The following ATAD2B variants were observed in gnomAD, a reference collection of about 807,000 sequenced individuals.
ATAD2B encodes ATPase family AAA domain containing 2B, also known as ATPase family AAA domain-containing protein 2B.
Under a neutral mutation model 167.6 loss-of-function variants are expected in ATAD2B, and 40 were observed. The observed-to-expected ratio is 0.24, with a 90% CI of 0.19 to 0.31. The LOEUF is 0.31. ATAD2B is among the 10% of genes least tolerant of loss of function. The pLI is 1.00. For synonymous variants in ATAD2B, 579 were observed against 596.5 expected, an observed-to-expected ratio of 0.97 and a Z score of 0.43; for missense variants, 1,242 against 1,757.2, an observed-to-expected ratio of 0.71 and a Z score of 5.24.
rs1229942235 is a variant in ATAD2B at position 23,884,754 on chromosome 2, G to A, written c.784+11C>T. On this transcript the variant is annotated intron_variant, in intron 6 of 27. Transcript: ENST00000238789. ...TGAACTTTCTAGAATTCCAAAAAGT[G>A]CTTTACAAACCTTCTTCTTCACCCT... 1 of 1,507,102 alleles carries A rather than the reference G, an allele frequency of 6.6e-7. No individual in the cohort carries two copies. The highest frequency in any genetic ancestry group is 9.0e-7 in the Non-Finnish European group (1 of 1,110,674). The allele number at this position is 1,507,102 out of a possible 1,614,324, so 93.4% of individuals were successfully genotyped here.
At chr2:23,819,983 T>C (rs1687206773) in intron 16 of ATAD2B, 101 bp from the exon 17 acceptor site, 1 of 757,946 alleles carries the variant, frequency 1.3e-6, no homozygotes. Flanking sequence ...CAAATGACAT[T>C]AATAAGTTAT....
Position 23,788,534 on chromosome 2 carries a change from A to G in ATAD2B, c.2754T>C (p.Ala918=), listed in dbSNP as rs747774542. The G allele has an allele frequency of 1.2e-6, 2 of 1,613,148 alleles. No homozygotes were observed. Among genetic ancestry groups the G allele is most frequent in the African/African-American group, 1.3e-5 (1 of 74,878 alleles). The change falls in exon 20 of 28, where the codon GCT becomes GCC. Residue 918 remains alanine, a synonymous_variant. Transcript: ENST00000238789. ...TACCAGCATGTTTCCTTCGTGGTGG[A>G]GCCATTGATGCCTGATTGAGAATCA... is the stretch of plus-strand genomic sequence containing the variant. ...QELILNQASM[A]PPRRKHAALC...
chr2:23,857,994 C>G (rs573055806), intron 12 of ATAD2B, among the ~76,000 whole-genome samples: 1 of 152,178 alleles, frequency 6.6e-6, no homozygotes, highest in East Asian at 1.9e-4. Context: ...CTGCCCGCCT[C>G]GACCTCCCAA....
At chr2:23,740,922 G>C in the ATAD2B span, among the ~76,000 whole-genome samples, 1 of 151,910 alleles carries the variant, frequency 6.6e-6, no homozygotes, top group Admixed American at 6.6e-5. Flanking sequence ...GACAAACAGA[G>C]GCCAAATCAT....
rs567876485 is a variant in ATAD2B at position 23,827,434 on chromosome 2, T to C, written c.1819+1415A>G. ...CTAGAGTATATAATATTTCAGATGG[T>C]AGACAGTATAATAGAAAGTAATTTA... On this transcript the variant is annotated intron_variant, in intron 15 of 27. Transcript: ENST00000238789. Among the ~76,000 whole-genome samples the C allele has an allele frequency of 8.3e-4, 126 of 152,302 alleles. 1 individual carries two copies. Among genetic ancestry groups the C allele is most frequent in the African/African-American group, 2.9e-3 (122 of 41,570 alleles).
chr2:23,834,152 CTTTTTTTTTT>C (rs11378615), intron 13 of ATAD2B, 74 bp from the exon 14 acceptor site: 36 of 119,618 alleles, frequency 3.0e-4, no homozygotes, highest in Middle Eastern at 3.9e-3. Flanking sequence ...ATCAGTCTTT[CTTTTTTTTTT>C]TTTTTTTTTT....
intron 1 of ATAD2B, among the ~76,000 whole-genome samples, chr2:23,899,021 G>A (rs1325744717): frequency 6.6e-6 from 1 of 152,110 alleles, no homozygotes; most frequent in African/African-American, 2.4e-5. Flanking sequence ...GGTGGCCCAT[G>A]CTTGTAATCC....
At chr2:23,774,052 C>A (rs1258446970) in intron 22 of ATAD2B, among the ~76,000 whole-genome samples, 3 of 151,706 alleles carry the variant, frequency 2.0e-5, no homozygotes, top group African/African-American at 7.3e-5. Context: ...AAAAAAAATC[C>A]CAGAAGTATA....
intron 13 of ATAD2B, among the ~76,000 whole-genome samples, chr2:23,841,226 C>T (rs1017875868): frequency 2.6e-5 from 4 of 151,328 alleles, no homozygotes; most frequent in Admixed American, 6.6e-5. Flanking sequence ...AGGCATGAGC[C>T]ACCATGTGCA....
At chr2:23,878,402 T>G (rs1205422763) in intron 7 of ATAD2B, among the ~76,000 whole-genome samples, 2 of 151,952 alleles carry the variant, frequency 1.3e-5, no homozygotes, top group African/African-American at 4.8e-5. Context: ...CTCACGCCTG[T>G]AATCCCAGGA....
chr2:23,680,908 C>G, the ATAD2B span, among the ~76,000 whole-genome samples: 3 of 152,192 alleles, frequency 2.0e-5, no homozygotes, highest in South Asian at 4.1e-4. This position sits in a 1 kb window ranked among gnomAD's most constrained non-coding sequence, Gnocchi z 4.1. Flanking sequence ...GACCCAGCCC[C>G]GAGGCCTGCA....
intron 15 of ATAD2B, among the ~76,000 whole-genome samples, chr2:23,825,837 T>C (rs1011424771): frequency 2.0e-5 from 3 of 152,204 alleles, no homozygotes; most frequent in East Asian, 1.9e-4. Flanking sequence ...TTTTAGGTAG[T>C]AAATGTTACC....
chr2:23,717,567 A>T, the ATAD2B span, among the ~76,000 whole-genome samples: 1 of 152,196 alleles, frequency 6.6e-6, no homozygotes, highest in African/African-American at 2.4e-5. Flanking sequence ...CACTTCACAA[A>T]AATAACAGGA....
chr2:23,770,293 G>A (rs1246814952), intron 22 of ATAD2B, among the ~76,000 whole-genome samples: 1 of 150,452 alleles, frequency 6.6e-6, no homozygotes, highest in Admixed American at 6.6e-5. Context: ...TCCAGCCTAG[G>A]TGACAGAGCA....
chr2:23,766,082 A>C (rs909490549), intron 22 of ATAD2B, among the ~76,000 whole-genome samples: 1 of 152,188 alleles, frequency 6.6e-6, no homozygotes, highest in Non-Finnish European at 1.5e-5. Context: ...AATATATTTT[A>C]AAGGTGACTT....
chr2:23,894,248 G>A (rs530233847), intron 2 of ATAD2B, among the ~76,000 whole-genome samples: 52 of 152,002 alleles, frequency 3.4e-4, no homozygotes, highest in Admixed American at 2.3e-3. Context: ...TTGGGAGGTC[G>A]AGGCGGGTGG....
chr2:23,689,783 G>C, the ATAD2B span: 5 of 152,398 alleles, frequency 3.3e-5, no homozygotes, highest in East Asian at 9.6e-4. Context: ...GATGGCTCTG[G>C]GGCCGGGGGT....
intron 17 of ATAD2B, among the ~76,000 whole-genome samples, chr2:23,816,131 G>T (rs1686405508): frequency 6.6e-6 from 1 of 152,160 alleles, no homozygotes; most frequent in Admixed American, 6.5e-5. Flanking sequence ...GGTTTGTAAA[G>T]ATTTTAAAAG....
chr2:23,757,195 C>T (rs537621954), intron 25 of ATAD2B, among the ~76,000 whole-genome samples: 12 of 152,214 alleles, frequency 7.9e-5, no homozygotes, highest in South Asian at 2.1e-4. Flanking sequence ...GCACTCGAAA[C>T]GATACACCCT....
Sources: allele counts gnomAD v4.1 joint callset (sites outside exome capture counted in the v4.1 genomes callset), GRCh38; gene constraint gnomAD v4.1.1; non-coding constraint Gnocchi (gnomAD v3.1); transcripts MANE v1.5; gene names NCBI Gene and HGNC (gene_info 2026-07-23, HGNC 2026-07-21).